The following PXDN variants were observed in gnomAD, a reference collection of about 807,000 sequenced individuals.
PXDN encodes the protein peroxidasin, also known as peroxidasin homolog.
In PXDN, 77 loss-of-function variants were observed where a neutral mutation model predicts 140.3. The ratio of observed to expected loss-of-function variants is 0.55; its 90% confidence interval spans 0.46 to 0.66. PXDN has a LOEUF of 0.66. PXDN is among the 30% of genes least tolerant of loss of function. The probability of loss-of-function intolerance (pLI) is 0.00; values close to 1 mark genes in which losing one functional copy is unlikely to be tolerated. For missense variants in PXDN, 1,838 were observed against 2,039.5 expected, an observed-to-expected ratio of 0.90 and a Z score of 1.90; for synonymous variants, 911 against 857.4, an observed-to-expected ratio of 1.06 and a Z score of -1.09.
intron 1 of PXDN, among the ~76,000 whole-genome samples, chr2:1,722,860 C>G (rs1043365095): frequency 4.6e-5 from 7 of 152,256 alleles, no homozygotes; most frequent in African/African-American, 1.2e-4. Context: ...AAGCACCTGA[C>G]AGCCTGCTGC....
In PXDN at chr2:1,660,469, C is replaced by G. The variant is rs541847205; in HGVS notation, c.1837+412G>C. Among the ~76,000 whole-genome samples the G allele has an allele frequency of 6.6e-6, 1 of 152,124 alleles. No individual in the cohort carries two copies. The highest frequency in any genetic ancestry group is 1.5e-5 in the Non-Finnish European group (1 of 68,020). ...TTCCAGAGCATTCCTGGCCAAAGCC[C>G]GAGGAGAGAGAAACCGCAGCTAAGG... On this transcript the variant is annotated intron_variant, in intron 14 of 22. Coordinates refer to ENST00000252804, the MANE Select transcript of PXDN (RefSeq NM_012293.3). The surrounding 1 kb of genome is among the most constrained non-coding windows in gnomAD (Gnocchi z 4.6).
intron 1 of PXDN, among the ~76,000 whole-genome samples, chr2:1,716,133 G>A (rs978305526): frequency 3.3e-5 from 5 of 152,098 alleles, no homozygotes; most frequent in Admixed American, 1.3e-4. Context: ...CTCAGTGTAC[G>A]TATCTATAAA....
intron 1 of PXDN, among the ~76,000 whole-genome samples, chr2:1,705,949 C>A (rs1684594725): frequency 6.6e-6 from 1 of 151,696 alleles, no homozygotes; most frequent in Admixed American, 6.6e-5. Context: ...TCCATTACGG[C>A]CTCCCCCAGG....
Position 1,714,041 on chromosome 2 carries a change from C to T in PXDN, c.201-20907G>A, listed in dbSNP as rs919487842. ...AACATGGCCCAGCCTGGGCAACCTACGATAATATTGGCACTGGCGGCTTTG... is the reference window on the plus strand; with the variant it reads ...AACATGGCCCAGCCTGGGCAACCTATGATAATATTGGCACTGGCGGCTTTG... On this transcript the variant is annotated intron_variant, in intron 1 of 22. Transcript: ENST00000252804. This position sits in a 1 kb window ranked among gnomAD's most constrained non-coding sequence, Gnocchi z 4.3. 2.6e-5 allele frequency among the ~76,000 whole-genome samples: 4 copies of T among 152,194 alleles called. No homozygotes were observed. The highest frequency in any genetic ancestry group is 1.3e-4 in the Admixed American group (2 of 15,284).
At position 1,685,153 on chromosome 2, in the gene PXDN, C is replaced by T; in HGVS notation, c.417-1002G>A. Among the ~76,000 whole-genome samples the T allele has an allele frequency of 6.6e-6, 1 of 152,224 alleles. No homozygotes were observed. Among genetic ancestry groups the T allele is most frequent in the East Asian group, 1.9e-4 (1 of 5,188 alleles). ...GGCCCGCCCCGTCCCGGGGCCAGCTCCCCAGGCAGCACCCACACAGGCCAC... is the reference window on the plus strand; with the variant it reads ...GGCCCGCCCCGTCCCGGGGCCAGCTTCCCAGGCAGCACCCACACAGGCCAC... On this transcript the variant is annotated intron_variant, in intron 4 of 22. Coordinates refer to ENST00000252804, the MANE Select transcript of PXDN (RefSeq NM_012293.3). The surrounding 1 kb of genome is among the most constrained non-coding windows in gnomAD (Gnocchi z 5.1).
intron 9 of PXDN, among the ~76,000 whole-genome samples, chr2:1,668,896 C>T (rs1465731821): frequency 1.3e-5 from 2 of 152,176 alleles, no homozygotes; most frequent in Non-Finnish European, 2.9e-5. Flanking sequence ...TGTGGCGATT[C>T]CTCAAGGATC....
In PXDN at chr2:1,649,919, T is replaced by A. The variant is rs1183210377; in HGVS notation, c.2105-244A>T. Among the ~76,000 whole-genome samples the A allele has an allele frequency of 6.6e-6, 1 of 152,096 alleles. No individual in the cohort carries two copies. Among genetic ancestry groups the A allele is most frequent in the African/African-American group, 2.4e-5 (1 of 41,416 alleles). ...CTCCACAGCCCCAGTTTCTGGGCCCTGTCTCCCCTCCCCACTTAGCAGTCT... is the reference window on the plus strand; with the variant it reads ...CTCCACAGCCCCAGTTTCTGGGCCCAGTCTCCCCTCCCCACTTAGCAGTCT... On this transcript the variant is annotated intron_variant, in intron 16 of 22. Coordinates refer to ENST00000252804, the MANE Select transcript of PXDN (RefSeq NM_012293.3). The surrounding 1 kb of genome is among the most constrained non-coding windows in gnomAD (Gnocchi z 7.1).
chr2:1,701,237 G>A (rs942928391), intron 1 of PXDN, among the ~76,000 whole-genome samples: 7 of 152,192 alleles, frequency 4.6e-5, no homozygotes, highest in Non-Finnish European at 8.8e-5. Context: ...CTTGTGTTCC[G>A]AGAGTCACAG....
chr2:1,715,136 T>A (rs542765439), intron 1 of PXDN, among the ~76,000 whole-genome samples: 2 of 152,232 alleles, frequency 1.3e-5, no homozygotes, highest in Non-Finnish European at 2.9e-5. Context: ...TGCCTTCCAG[T>A]CAGAAAAACT....
intron 1 of PXDN, among the ~76,000 whole-genome samples, chr2:1,716,610 G>C (rs1684902346): frequency 1.3e-5 from 2 of 152,098 alleles, no homozygotes; most frequent in African/African-American, 4.8e-5. Context: ...CTCTACCTGG[G>C]GCAAGGGGTT....
At chr2:1,663,355 C>T (rs1412531993) in intron 12 of PXDN, among the ~76,000 whole-genome samples, 2 of 152,134 alleles carry the variant, frequency 1.3e-5, no homozygotes, top group Non-Finnish European at 2.9e-5. Flanking sequence ...TAACAAGTCA[C>T]TCTTATCCAA....
intron 1 of PXDN, among the ~76,000 whole-genome samples, chr2:1,734,072 T>C (rs1236740650): frequency 5.3e-5 from 8 of 152,178 alleles, no homozygotes; most frequent in African/African-American, 7.2e-5. Flanking sequence ...TTATAACATA[T>C]GTACAAATAA....
intron 5 of PXDN, 92 bp downstream of exon 5, chr2:1,683,988 G>A: frequency 1.7e-6 from 2 of 1,211,252 alleles, no homozygotes; most frequent in Non-Finnish European, 2.3e-6. Context: ...CAGTTTTCAG[G>A]TGTTTGGTAG....
At chr2:1,638,411 C>T (rs6742435) in intron 21 of PXDN, among the ~76,000 whole-genome samples, 129,493 of 151,818 alleles carry the variant, frequency 0.85, 56,045 homozygotes, top group East Asian at 1. Flanking sequence ...CAGGACTTTC[C>T]TCACACCCGG....
In PXDN at chr2:1,639,868, A is replaced by C. The variant is rs547047327; in HGVS notation, c.3953-446T>G. On this transcript the variant is annotated intron_variant, in intron 19 of 22. Transcript: ENST00000252804. The surrounding 1 kb of genome is among the most constrained non-coding windows in gnomAD (Gnocchi z 5.0). ...CTCCCTACGTCACACTGCCAGCCCC[A>C]GTGTCAGACAAGAGGCGGCCTGACC... is the stretch of plus-strand genomic sequence containing the variant. Among the ~76,000 whole-genome samples, 1 of 152,298 alleles carries C rather than the reference A, an allele frequency of 6.6e-6. No individual in the cohort carries two copies. Among genetic ancestry groups the C allele is most frequent in the Admixed American group, 6.5e-5 (1 of 15,298 alleles).
intron 1 of PXDN, among the ~76,000 whole-genome samples, chr2:1,719,661 A>C (rs1684970772): frequency 6.6e-6 from 1 of 152,140 alleles, no homozygotes. Flanking sequence ...TGGCTGGGCT[A>C]AGCCTGACCA....
chr2:1,696,252 G>T (rs4853845), intron 1 of PXDN, among the ~76,000 whole-genome samples: 134,816 of 152,262 alleles, frequency 0.89, 60,115 homozygotes, highest in Middle Eastern at 0.95. Flanking sequence ...AATGTTAAAT[G>T]ACATAAGTAG....
chr2:1,679,684 T>C (rs956906441), intron 7 of PXDN, among the ~76,000 whole-genome samples: 2 of 149,796 alleles, frequency 1.3e-5, no homozygotes. Context: ...ATGGCACATG[T>C]GTGTGGTCTG....
intron 17 of PXDN, 22 bp from the exon 18 acceptor site, chr2:1,644,774 G>A: frequency 6.7e-7 from 1 of 1,481,788 alleles, no homozygotes; most frequent in Non-Finnish European, 9.0e-7. Context: ...AGAGAAAACT[G>A]AAATCTACCT....
Sources: gnomAD v4.1 joint callset for allele counts (sites outside exome capture counted in the v4.1 genomes callset) on GRCh38, gnomAD v4.1.1 for gene constraint, Gnocchi (gnomAD v3.1) non-coding constraint, MANE v1.5 for transcripts, NCBI Gene and HGNC (gene_info 2026-07-23, HGNC 2026-07-21) for gene names.